RALGAPB: variants seen among roughly 807,000 people sequenced by gnomAD.
The protein encoded by RALGAPB is Ral GTPase activating protein non-catalytic subunit beta, also known as ral GTPase-activating protein subunit beta.
Under a neutral mutation model 161.1 loss-of-function variants are expected in RALGAPB, and 25 were observed. The ratio of observed to expected loss-of-function variants is 0.16; its 90% CI spans 0.11 to 0.22. RALGAPB has a LOEUF of 0.22. Ranked by LOEUF, RALGAPB falls within the 10% of genes least tolerant of loss-of-function variation. The pLI is 1.00. For synonymous variants in RALGAPB, 629 were observed against 626.1 expected, an observed-to-expected ratio of 1.00 and a Z score of -0.07; for missense variants, 1,391 against 1,815.2, an observed-to-expected ratio of 0.77 and a Z score of 4.25.
intron 13 of RALGAPB, 30 bp from the exon 14 acceptor site, chr20:38,531,137 A>G (rs749280903): frequency 6.6e-7 from 1 of 1,523,668 alleles, no homozygotes; most frequent in Non-Finnish European, 9.1e-7. Context: ...TGTGTATTTT[A>G]TATAAAATAC....
At chr20:38,504,805 G>T (rs983620088) in intron 5 of RALGAPB, among the ~76,000 whole-genome samples, 2 of 152,078 alleles carry the variant, frequency 1.3e-5, no homozygotes, top group Non-Finnish European at 2.9e-5. Context: ...CATATAAGTG[G>T]CCAAGAAACA....
intron 2 of RALGAPB, among the ~76,000 whole-genome samples, chr20:38,491,327 G>A (rs1474740869): frequency 6.6e-6 from 1 of 150,706 alleles, no homozygotes; most frequent in African/African-American, 2.4e-5. Flanking sequence ...AGCATACACT[G>A]TTTTTCTTTT....
At chr20:38,476,712 C>G (rs560286161) in intron 1 of RALGAPB, among the ~76,000 whole-genome samples, 1 of 152,272 alleles carries the variant, frequency 6.6e-6, no homozygotes, top group African/African-American at 2.4e-5. Context: ...ACCTACTGAA[C>G]AGAATAGCTT....
Position 38,578,713 on chromosome 20 carries a change from T to G in RALGAPB, c.*3746T>G, listed in dbSNP as rs897517822. On this transcript the variant is annotated 3_prime_UTR_variant, in exon 30 of 30. Coordinates refer to ENST00000262879, the MANE Select transcript of RALGAPB (RefSeq NM_020336.4). Reference sequence around the variant, plus strand: ...AATATGAAGGCGTGCCCGTGCCCCTTGCCTCCTGTGTTTCATCTTCGTCGG... The same window carrying G: ...AATATGAAGGCGTGCCCGTGCCCCTGGCCTCCTGTGTTTCATCTTCGTCGG... 1 of 152,652 alleles carries G rather than the reference T, an allele frequency of 6.6e-6. No homozygotes were observed. Among genetic ancestry groups the G allele is most frequent in the African/African-American group, 2.4e-5 (1 of 41,456 alleles). 9.5% of individuals were successfully genotyped at this position (152,652 alleles called of 1,614,324 possible).
At chr20:38,497,563 A>T (rs1286677793) in intron 4 of RALGAPB, 47 bp downstream of exon 4, 3 of 1,559,126 alleles carry the variant, frequency 1.9e-6, no homozygotes, top group Non-Finnish European at 1.7e-6. Context: ...CTCCAAATAC[A>T]GTTCATCTTT....
At chr20:38,484,159 C>T (rs909063876) in intron 1 of RALGAPB, among the ~76,000 whole-genome samples, 3 of 152,102 alleles carry the variant, frequency 2.0e-5, no homozygotes, top group Non-Finnish European at 4.4e-5. Context: ...GCCTGGGTGA[C>T]AGAGTGAGAC....
chr20:38,547,417 G>A (rs745488586), intron 19 of RALGAPB: 9 of 152,196 alleles, frequency 5.9e-5, no homozygotes, highest in Non-Finnish European at 1.0e-4. Context: ...GGCTCACAGA[G>A]GGTATATGAC....
At chr20:38,570,681 A>G in intron 27 of RALGAPB, 88 bp from the exon 28 acceptor site, 1 of 803,164 alleles carries the variant, frequency 1.2e-6, no homozygotes, top group Non-Finnish European at 2.1e-6. Flanking sequence ...CCACTCACTT[A>G]TGTAAAGCGA....
intron 1 of RALGAPB, among the ~76,000 whole-genome samples, chr20:38,477,193 A>C (rs1464553626): frequency 6.6e-6 from 1 of 152,228 alleles, no homozygotes; most frequent in Non-Finnish European, 1.5e-5. Context: ...AGTGTAACCA[A>C]GGAAGTGATG....
intron 15 of RALGAPB, 67 bp downstream of exon 15, chr20:38,532,926 A>G (rs961320935): frequency 7.5e-6 from 11 of 1,474,092 alleles, no homozygotes; most frequent in Middle Eastern, 3.5e-4. Flanking sequence ...TTTATAAAAC[A>G]AAAACATTAA....
chr20:38,489,074 C>T (rs2085203287), intron 2 of RALGAPB, among the ~76,000 whole-genome samples: 1 of 152,232 alleles, frequency 6.6e-6, no homozygotes. Flanking sequence ...AAGCTCTCCC[C>T]TGTCCCCATC....
intron 18 of RALGAPB, among the ~76,000 whole-genome samples, chr20:38,544,468 ATTT>A: frequency 6.6e-6 from 1 of 151,562 alleles, no homozygotes; most frequent in South Asian, 2.1e-4. Flanking sequence ...ATACTCTATT[ATTT>A]TGTATTTTTT....
chr20:38,531,112 G>T (rs1311771021), intron 13 of RALGAPB, 55 bp from the exon 14 acceptor site: 1 of 1,364,272 alleles, frequency 7.3e-7, no homozygotes. Flanking sequence ...AATGTCTTAC[G>T]CATTTTAGTG....
chr20:38,499,747 T>A, intron 5 of RALGAPB, 114 bp downstream of exon 5: 1 of 1,022,898 alleles, frequency 9.8e-7, no homozygotes, highest in Non-Finnish European at 1.3e-6. Context: ...GTACTTTAGA[T>A]ACAGAATTGA....
Position 38,553,870 on chromosome 20 carries a change from G to C in RALGAPB, c.3166G>C (p.Glu1056Gln). The C allele has an allele frequency of 6.3e-7, 1 of 1,580,750 alleles. No homozygotes were observed. Among genetic ancestry groups the C allele is most frequent in the Non-Finnish European group, 8.6e-7 (1 of 1,157,656 alleles). ...TGAAATATTTGGTTTATTACAGTTA[G>C]AAGAGAGACACGAAAAATTAAGGAG... ...DLHEIVTEEL[E>Q]ERHEKLRSGM... Residue 1056 changes from glutamate (E) to glutamine (Q), a missense_variant, in exon 22 of 30, where the codon GAA becomes CAA. Coordinates refer to ENST00000262879, the MANE Select transcript of RALGAPB (RefSeq NM_020336.4).
Position 38,557,675 on chromosome 20 carries a change from A to G in RALGAPB, c.3373-620A>G, listed in dbSNP as rs539194019. Among the ~76,000 whole-genome samples the G allele has an allele frequency of 2.6e-5, 4 of 152,274 alleles. No individual in the cohort carries two copies. In the East Asian group the frequency reaches 7.7e-4, roughly 29 times the overall value. ...ATCAGTATGCATTTAAGGTTTCTTC[A>G]TTCAGTATGCATTTAATGTGTCTTT... On this transcript the variant is annotated intron_variant, in intron 22 of 29. Transcript: ENST00000262879.
Position 38,567,124 on chromosome 20 carries a change from C to T in RALGAPB, c.3846C>T (p.Asp1282=), listed in dbSNP as rs1016380739. The T allele has an allele frequency of 3.1e-6, 5 of 1,613,330 alleles. No homozygotes were observed. In the African/African-American group the frequency reaches 5.3e-5, roughly 17 times the overall value. ...ATTCATTGGAAAGTAACATCTCGGA[C>T]CAAGATAGTGATTCAAATATGGATC... ...LTDSLESNIS[D]QDSDSNMDLM... The change falls in exon 26 of 30, where the codon GAC becomes GAT. Residue 1282 remains aspartate (D), a synonymous_variant. Transcript: ENST00000262879.
chr20:38,540,491 G>A (rs1441493862), intron 17 of RALGAPB, among the ~76,000 whole-genome samples: 1 of 152,218 alleles, frequency 6.6e-6, no homozygotes, highest in Non-Finnish European at 1.5e-5. Context: ...CAAATCAAAG[G>A]AGAGATCATT....
rs776935576 is a variant in RALGAPB at position 38,532,691 on chromosome 20, G to A, written c.2116-39G>A. 4 of 1,606,464 alleles carry A rather than the reference G, an allele frequency of 2.5e-6. No individual in the cohort carries two copies. In the South Asian group the frequency reaches 3.3e-5, roughly 13 times the overall value. ...TGACCTTTATTTATGCTTGTAAACTGTGATGTAATCCTCACTTGATTCATT... is the reference window on the plus strand; with the variant it reads ...TGACCTTTATTTATGCTTGTAAACTATGATGTAATCCTCACTTGATTCATT... On this transcript the variant is annotated intron_variant, in intron 14 of 29. Coordinates refer to ENST00000262879, the MANE Select transcript of RALGAPB (RefSeq NM_020336.4).
Sources: gnomAD v4.1 joint callset for allele counts (sites outside exome capture counted in the v4.1 genomes callset) on GRCh38, gnomAD v4.1.1 for gene constraint, MANE v1.5 for transcripts, NCBI Gene and HGNC (gene_info 2026-07-23, HGNC 2026-07-21) for gene names.